The following PCDH9 variants were observed in gnomAD, a reference collection of about 807,000 sequenced individuals.
The protein encoded by PCDH9 is protocadherin-9.
Under a neutral mutation model 70.6 loss-of-function variants are expected in PCDH9, and 24 were observed. The ratio of observed to expected loss-of-function variants is 0.34; its 90% CI spans 0.25 to 0.48. The LOEUF is 0.48. Among genes scored for constraint, PCDH9 ranks in the 20% least tolerant of loss-of-function variants. The pLI, the probability that PCDH9 is intolerant of heterozygous loss-of-function variation, is 0.99. For missense variants in PCDH9, 1,281 were observed against 1,503.6 expected (o/e 0.85, Z 2.45); for synonymous variants, 562 against 558.5 (o/e 1.01, Z -0.09).
chr13:66,958,575 T>C (rs376210541), intron 2 of PCDH9, among the ~76,000 whole-genome samples: 2 of 152,282 alleles, frequency 1.3e-5, no homozygotes, highest in Non-Finnish European at 2.9e-5. Context: ...TTTTCACACA[T>C]ATCACATTAC....
chr13:66,514,230 A>G (rs933713251), intron 4 of PCDH9, among the ~76,000 whole-genome samples: 1 of 152,110 alleles, frequency 6.6e-6, no homozygotes, highest in African/African-American at 2.4e-5. Flanking sequence ...TTTTGCTAAG[A>G]CGTCGCTGCC....
intron 4 of PCDH9, among the ~76,000 whole-genome samples, chr13:66,603,782 T>C (rs1335195604): frequency 6.6e-6 from 1 of 152,030 alleles, no homozygotes; most frequent in Non-Finnish European, 1.5e-5. Context: ...TGTGTATAAT[T>C]GTTCCCATTA....
intron 3 of PCDH9, among the ~76,000 whole-genome samples, chr13:66,718,809 A>G (rs758786780): frequency 9.2e-5 from 14 of 152,294 alleles, no homozygotes; most frequent in African/African-American, 1.4e-4. Flanking sequence ...CCTGGCCTGC[A>G]AGAAAAGTTT....
At chr13:66,711,922 A>G (rs1463293189) in intron 3 of PCDH9, among the ~76,000 whole-genome samples, 2 of 152,148 alleles carry the variant, frequency 1.3e-5, no homozygotes, top group Admixed American at 6.5e-5. Context: ...CTTTAGCTTT[A>G]CTTTATGTCT....
chr13:66,352,562 C>T (rs1026798633), intron 4 of PCDH9, among the ~76,000 whole-genome samples: 2 of 152,086 alleles, frequency 1.3e-5, no homozygotes, highest in Non-Finnish European at 2.9e-5. Flanking sequence ...GTGGAGAGGG[C>T]TAATGAGTGA....
At chr13:66,370,866 C>T (rs912131029) in intron 4 of PCDH9, among the ~76,000 whole-genome samples, 1 of 151,984 alleles carries the variant, frequency 6.6e-6, no homozygotes, top group African/African-American at 2.4e-5. Flanking sequence ...TACCTAGTGT[C>T]TATTATGATT....
intron 4 of PCDH9, among the ~76,000 whole-genome samples, chr13:66,462,583 C>T (rs1382153173): frequency 6.6e-6 from 1 of 151,738 alleles, no homozygotes; most frequent in Admixed American, 6.6e-5. Flanking sequence ...GTTGTCCTAG[C>T]CCTGGAGATT....
At chr13:66,599,389 A>C (rs1211686040) in intron 4 of PCDH9, among the ~76,000 whole-genome samples, 1 of 151,864 alleles carries the variant, frequency 6.6e-6, no homozygotes, top group Non-Finnish European at 1.5e-5. Context: ...TTAGGATATC[A>C]CTTAATAGGT....
intron 2 of PCDH9, among the ~76,000 whole-genome samples, chr13:67,139,043 C>G (rs2087306067): frequency 6.6e-6 from 1 of 152,106 alleles, no homozygotes; most frequent in Non-Finnish European, 1.5e-5. Flanking sequence ...AAGGAAATGC[C>G]ACTCCGTTCA....
At chr13:66,315,491 T>G (rs1430278298) in intron 4 of PCDH9, among the ~76,000 whole-genome samples, 1 of 152,196 alleles carries the variant, frequency 6.6e-6, no homozygotes, top group Non-Finnish European at 1.5e-5. Context: ...CTTTTTTTTT[T>G]GTTTTTTTGA....
chr13:67,013,016 G>A (rs1318000271), intron 2 of PCDH9, among the ~76,000 whole-genome samples: 2 of 151,900 alleles, frequency 1.3e-5, no homozygotes, highest in Non-Finnish European at 2.9e-5. Flanking sequence ...GCATGTGTGT[G>A]TGTGTTCCAT....
rs1958972317 is a variant in PCDH9, at chr13:66,487,920, T to C, written c.3340+143290A>G. Among the ~76,000 whole-genome samples the C allele has an allele frequency of 2.0e-5, 3 of 152,176 alleles. No individual in the cohort carries two copies. The South Asian group carries it at 6.2e-4, about 31-fold the overall frequency. ...GGATGAGAACCAGAAGATATCTCAC[T>C]CTGGGAAGATCTTGGCTTGTAGAAA... On this transcript the variant is annotated intron_variant, in intron 4 of 4. Transcript: ENST00000377865.
At chr13:67,008,288 G>C (rs1400141333) in intron 2 of PCDH9, among the ~76,000 whole-genome samples, 1 of 152,060 alleles carries the variant, frequency 6.6e-6, no homozygotes, top group Non-Finnish European at 1.5e-5. Flanking sequence ...CTAAGTACTA[G>C]CTACCCACTG....
intron 4 of PCDH9, among the ~76,000 whole-genome samples, chr13:66,382,939 A>G (rs890204477): frequency 6.6e-6 from 1 of 152,024 alleles, no homozygotes. Flanking sequence ...GGCTGAGGCA[A>G]ATCCCTTAAA....
At chr13:66,839,854 G>A (rs2081086126) in intron 3 of PCDH9, among the ~76,000 whole-genome samples, 1 of 152,098 alleles carries the variant, frequency 6.6e-6, no homozygotes, top group East Asian at 1.9e-4. Context: ...ATTGCCTGGG[G>A]TTCTGAAAAA....
chr13:67,161,971 C>A (rs771914350), intron 2 of PCDH9, among the ~76,000 whole-genome samples: 122 of 152,092 alleles, frequency 8.0e-4, no homozygotes, highest in Non-Finnish European at 3.1e-4. Context: ...TTGGAGAAGG[C>A]CAAAACTTAT....
At chr13:66,466,029 A>C (rs548831651) in intron 4 of PCDH9, among the ~76,000 whole-genome samples, 3 of 152,148 alleles carry the variant, frequency 2.0e-5, no homozygotes, top group Admixed American at 1.3e-4. Context: ...TCACAATAAA[A>C]AATATAGAAA....
At chr13:67,203,877 G>T (rs192056261) in intron 2 of PCDH9, 2 of 151,844 alleles carry the variant, frequency 1.3e-5, no homozygotes, top group Non-Finnish European at 2.9e-5. Flanking sequence ...GAAAAAAACC[G>T]CCACAGTCTT....
intron 4 of PCDH9, among the ~76,000 whole-genome samples, chr13:66,386,372 C>T (rs17501974): frequency 0.016 from 2,470 of 152,172 alleles, 33 homozygotes; most frequent in Non-Finnish European, 0.028. Context: ...CTACTACACT[C>T]CACCCTATAG....
Sources: gnomAD v4.1 joint callset for allele counts (sites outside exome capture counted in the v4.1 genomes callset) on GRCh38, gnomAD v4.1.1 for gene constraint, MANE v1.5 for transcripts, NCBI Gene and HGNC (gene_info 2026-07-23, HGNC 2026-07-21) for gene names.